Variants in PCCA observed in about 807,000 individuals in gnomAD.
The protein encoded by PCCA is propionyl-CoA carboxylase subunit alpha, also known as propionyl-CoA carboxylase alpha chain, mitochondrial.
PCCA carries 74 observed loss-of-function variants against 101.3 expected under a neutral mutation model. The ratio of observed to expected loss-of-function variants is 0.73; its 90% CI spans 0.61 to 0.89. The LOEUF is 0.89. Ranked by LOEUF, PCCA falls within the 40% of genes least tolerant of loss-of-function variation. The pLI is 0.00. For synonymous variants in PCCA, 294 were observed against 313.6 expected (o/e 0.94, Z 0.66); for missense variants, 891 against 907.0 (o/e 0.98, Z 0.23).
intron 14 of PCCA, among the ~76,000 whole-genome samples, chr13:100,304,639 C>T (rs990667912): frequency 1.3e-5 from 2 of 152,082 alleles, no homozygotes; most frequent in Non-Finnish European, 2.9e-5. Flanking sequence ...GTACTGAAGA[C>T]AGAAATTTTA....
At chr13:100,385,509 TA>T (rs1428016956) in intron 19 of PCCA, among the ~76,000 whole-genome samples, 2 of 152,232 alleles carry the variant, frequency 1.3e-5, no homozygotes, top group Non-Finnish European at 2.9e-5. Flanking sequence ...GCACATATGA[TA>T]AAAAGTGCTA....
intron 20 of PCCA, among the ~76,000 whole-genome samples, chr13:100,430,006 G>A (rs1017528085): frequency 2.6e-5 from 4 of 152,146 alleles, no homozygotes; most frequent in Non-Finnish European, 5.9e-5. Context: ...GCTGGTCACT[G>A]TGGCTCACGC....
At position 100,230,962 on chromosome 13, in the gene PCCA, G is replaced by T. The variant is rs982716491; in HGVS notation, c.601-4880G>T. On this transcript the variant is annotated intron_variant, in intron 7 of 23. Coordinates refer to ENST00000376285, the MANE Select transcript of PCCA (RefSeq NM_000282.4). ...GAGGCTACAGTTCAGTTTCTCTCAT[G>T]TGGCTGTGAGGCCCAGCCTTCCCCT... 2.0e-5 allele frequency among the ~76,000 whole-genome samples: 3 copies of T among 152,138 alleles called. No homozygotes were observed. The South Asian group carries it at 6.2e-4, about 32-fold the overall frequency.
At chr13:100,404,516 A>G (rs768481464) in intron 19 of PCCA, among the ~76,000 whole-genome samples, 1 of 152,268 alleles carries the variant, frequency 6.6e-6, no homozygotes, top group Middle Eastern at 3.4e-3. Flanking sequence ...GATGCATTCA[A>G]AAGGCGTACA....
chr13:100,118,543 T>C (rs2049048990), intron 4 of PCCA, among the ~76,000 whole-genome samples: 1 of 152,084 alleles, frequency 6.6e-6, no homozygotes, highest in South Asian at 2.1e-4. Flanking sequence ...TCATAAGTGA[T>C]GTTCTTTCTT....
chr13:100,518,289 A>G (rs1424182094), intron 22 of PCCA, among the ~76,000 whole-genome samples: 1 of 152,244 alleles, frequency 6.6e-6, no homozygotes, highest in Non-Finnish European at 1.5e-5. Flanking sequence ...TGTCACATAA[A>G]TCGTAATGAA....
At chr13:100,432,098 C>A (rs746834507) in intron 20 of PCCA, among the ~76,000 whole-genome samples, 1 of 151,488 alleles carries the variant, frequency 6.6e-6, no homozygotes, top group Non-Finnish European at 1.5e-5. Context: ...GCTCAAGAGG[C>A]TGGACCCCTG....
intron 4 of PCCA, among the ~76,000 whole-genome samples, chr13:100,148,737 G>A (rs1054330419): frequency 6.6e-6 from 1 of 152,084 alleles, no homozygotes; most frequent in Non-Finnish European, 1.5e-5. Context: ...CCTTTGTTTT[G>A]GTTCCGAGAT....
intron 6 of PCCA, among the ~76,000 whole-genome samples, chr13:100,172,178 G>A (rs2055743502): frequency 6.7e-6 from 1 of 150,284 alleles, no homozygotes; most frequent in South Asian, 2.1e-4. Flanking sequence ...TCCAGCCTGG[G>A]TGACAGAGCA....
intron 6 of PCCA, among the ~76,000 whole-genome samples, chr13:100,204,441 CA>C (rs2058732695): frequency 6.6e-6 from 1 of 152,174 alleles, no homozygotes; most frequent in South Asian, 2.1e-4. Flanking sequence ...TGCCCAGCCC[CA>C]TGGCTGTCTT....
intron 7 of PCCA, among the ~76,000 whole-genome samples, chr13:100,218,618 C>T (rs1326584019): frequency 6.6e-6 from 1 of 152,160 alleles, no homozygotes; most frequent in Non-Finnish European, 1.5e-5. Context: ...CTTGTATAAT[C>T]CACTCCTCTT....
chr13:100,205,454 AT>A (rs1484336023), intron 6 of PCCA, among the ~76,000 whole-genome samples: 1 of 150,802 alleles, frequency 6.6e-6, no homozygotes, highest in Non-Finnish European at 1.5e-5. Flanking sequence ...TCTTTGAAAC[AT>A]TTGTAGTTAT....
chr13:100,115,226 A>G (rs957005541), intron 4 of PCCA, among the ~76,000 whole-genome samples: 2 of 152,124 alleles, frequency 1.3e-5, no homozygotes, highest in African/African-American at 4.8e-5. Flanking sequence ...AATGAAAACA[A>G]TTGGACTCAT....
chr13:100,204,795 T>C (rs1175076961), intron 6 of PCCA, among the ~76,000 whole-genome samples: 1 of 152,182 alleles, frequency 6.6e-6, no homozygotes, highest in African/African-American at 2.4e-5. Flanking sequence ...ATAATTTCTT[T>C]CTCTTCTTTT....
chr13:100,433,660 C>A (rs2783228), intron 20 of PCCA, among the ~76,000 whole-genome samples: 22,744 of 152,146 alleles, frequency 0.15, 2,173 homozygotes, highest in African/African-American at 0.27. Flanking sequence ...ATTGTAATAT[C>A]AAAACTGGTA....
chr13:100,481,164 C>T (rs1485052363), intron 21 of PCCA: 4 of 151,836 alleles, frequency 2.6e-5, no homozygotes, highest in African/African-American at 7.3e-5. Flanking sequence ...TTCTTGAGAA[C>T]TTTCACCTTT....
At chr13:100,213,841 T>C (rs537030963) in intron 7 of PCCA, among the ~76,000 whole-genome samples, 18 of 152,344 alleles carry the variant, frequency 1.2e-4, no homozygotes, top group South Asian at 4.1e-4. Flanking sequence ...CAATGTTTTC[T>C]TTTGGTAGTT....
At chr13:100,469,458 C>T (rs2082811948) in intron 21 of PCCA, among the ~76,000 whole-genome samples, 1 of 152,006 alleles carries the variant, frequency 6.6e-6, no homozygotes, top group African/African-American at 2.4e-5. Context: ...ATAAACATTC[C>T]TTGGCCTTTC....
chr13:100,225,480 A>G (rs894753317), intron 7 of PCCA, among the ~76,000 whole-genome samples: 6 of 151,756 alleles, frequency 4.0e-5, no homozygotes, highest in Non-Finnish European at 8.8e-5. Context: ...AATTGTTTTT[A>G]TCACCTAATT....
Sources: allele counts gnomAD v4.1 joint callset (sites outside exome capture counted in the v4.1 genomes callset), GRCh38; gene constraint gnomAD v4.1.1; transcripts MANE v1.5; gene names NCBI Gene and HGNC (gene_info 2026-07-23, HGNC 2026-07-21).